The following TREM1 variants were observed in gnomAD, a reference collection of about 807,000 sequenced individuals.
The protein encoded by TREM1 is triggering receptor expressed on myeloid cells 1.
Under a neutral mutation model 22.4 loss-of-function variants are expected in TREM1, and 16 were observed. The observed-to-expected ratio is 0.71, with a 90% confidence interval of 0.48 to 1.08. The LOEUF (loss-of-function observed/expected upper bound fraction) is 1.08, where lower values mean the gene tolerates loss of function less well. Ranked by LOEUF, TREM1 falls within the 50% of genes least tolerant of loss-of-function variation. The pLI is 0.00. For missense variants in TREM1, 283 were observed against 282.9 expected (o/e 1.00, Z 0.00); for synonymous variants, 110 against 111.6 (o/e 0.99, Z 0.09).
intron 3 of TREM1, among the ~76,000 whole-genome samples, chr6:41,278,472 T>G (rs1581628576): frequency 6.6e-6 from 1 of 151,716 alleles, no homozygotes; most frequent in African/African-American, 2.4e-5. Flanking sequence ...GAATTCGAGA[T>G]CAGCCTGGGC....
chr6:41,280,587 ACATTCAGTTAGTCAGGC>A, intron 3 of TREM1: 1 of 1,229,244 alleles, frequency 8.1e-7, no homozygotes. Flanking sequence ...ACCCAAAGTC[ACATTCAGTTAGTCAGGC>A]CAACACTAGA....
intron 3 of TREM1, 101 bp downstream of exon 3, chr6:41,280,860 C>T (rs1767877859): frequency 6.3e-7 from 1 of 1,578,268 alleles, no homozygotes; most frequent in South Asian, 1.1e-5. Flanking sequence ...TCTCCTGCCC[C>T]ACCCTCCCCT....
chr6:41,279,146 A>G (rs1377128866), intron 3 of TREM1, among the ~76,000 whole-genome samples: 1 of 152,232 alleles, frequency 6.6e-6, no homozygotes, highest in Non-Finnish European at 1.5e-5. Flanking sequence ...AGAGACGACC[A>G]TCCCTTTACC....
rs188888855 is a variant in TREM1 at position 41,277,298 on chromosome 6, A to T, written c.600-1068T>A. Among the ~76,000 whole-genome samples, 85 of 151,436 alleles carry T rather than the reference A, an allele frequency of 5.6e-4. 1 individual carries two copies. Among genetic ancestry groups the T allele is most frequent in the Middle Eastern group, 3.4e-3 (1 of 294 alleles). On this transcript the variant is annotated intron_variant, in intron 3 of 3. Transcript: ENST00000244709. ...AGGGCCCTGACTTGTAGCACAGGGG[A>T]CTACATTCCCAAGCCTGACTGGTCG...
At chr6:41,278,489 G>A (rs1268859026) in intron 3 of TREM1, among the ~76,000 whole-genome samples, 4 of 151,706 alleles carry the variant, frequency 2.6e-5, no homozygotes, top group Non-Finnish European at 1.5e-5. Context: ...GGGCAACACA[G>A]GGAGACCCCC....
chr6:41,270,833 A>G (rs977895560), downstream of TREM1, among the ~76,000 whole-genome samples: 1 of 152,000 alleles, frequency 6.6e-6, no homozygotes, highest in Non-Finnish European at 1.5e-5. Context: ...CCCCCACCAC[A>G]TAGCTGGGAC....
chr6:41,276,302 A>G (rs1767669330), intron 3 of TREM1, 72 bp from the exon 4 acceptor site: 2 of 1,105,968 alleles, frequency 1.8e-6, no homozygotes, highest in African/African-American at 3.1e-5. Flanking sequence ...CCTCTAGAAA[A>G]TGCCTTCATG....
At chr6:41,270,489 A>G (rs1767452978), downstream of TREM1, among the ~76,000 whole-genome samples, 1 of 149,210 alleles carries the variant, frequency 6.7e-6, no homozygotes, top group African/African-American at 2.5e-5. Flanking sequence ...ATATCTTAGC[A>G]AGATTCCTAC....
Position 41,274,074 on chromosome 6 carries a change from A to T in TREM1, c.*2051T>A, listed in dbSNP as rs1273945634. On this transcript the variant is annotated 3_prime_UTR_variant, in exon 4 of 4. Coordinates refer to ENST00000244709, the MANE Select transcript of TREM1 (RefSeq NM_018643.5). ...TCCGATTTAGTGCATATAATATTTCAGTCACGTTTAATATGTTGGACTTAA... is the reference window on the plus strand; with the variant it reads ...TCCGATTTAGTGCATATAATATTTCTGTCACGTTTAATATGTTGGACTTAA... Among the ~76,000 whole-genome samples, 1 of 152,224 alleles carries T rather than the reference A, an allele frequency of 6.6e-6. No individual in the cohort carries two copies. Among genetic ancestry groups the T allele is most frequent in the African/African-American group, 2.4e-5 (1 of 41,460 alleles).
intron 3 of TREM1, among the ~76,000 whole-genome samples, chr6:41,278,205 T>G (rs960065891): frequency 1.3e-5 from 2 of 151,942 alleles, no homozygotes; most frequent in Non-Finnish European, 2.9e-5. Flanking sequence ...GGATTATATG[T>G]GTGAGCCACA....
intron 3 of TREM1, among the ~76,000 whole-genome samples, chr6:41,276,679 G>A (rs1302233960): frequency 6.6e-6 from 1 of 152,098 alleles, no homozygotes; most frequent in Admixed American, 6.5e-5. Flanking sequence ...ATGATTCTAA[G>A]GTTTCTGGGT....
In TREM1 at chr6:41,276,083, A is replaced by T. The variant is rs1251048686; in HGVS notation, c.*42T>A. Reference sequence around the variant, plus strand: ...CTCCCTTGGCACAACTGCCAGATGGATGTGGCTGGAAGTCAGAGGACATTC... The same window carrying T: ...CTCCCTTGGCACAACTGCCAGATGGTTGTGGCTGGAAGTCAGAGGACATTC... On this transcript the variant is annotated 3_prime_UTR_variant, in exon 4 of 4. Transcript: ENST00000244709. 4.7e-6 allele frequency: 7 copies of T among 1,485,066 alleles called. No individual in the cohort carries two copies. The highest frequency in any genetic ancestry group is 6.6e-6 in the Non-Finnish European group (7 of 1,062,622). The allele number at this position is 1,485,066 out of a possible 1,614,324, so 92.0% of individuals were successfully genotyped here.
Position 41,275,933 on chromosome 6 carries a change from G to C in TREM1, c.*192C>G. The C allele has an allele frequency of 5.1e-6, 3 of 587,524 alleles. No individual in the cohort carries two copies. Among genetic ancestry groups the C allele is most frequent in the Non-Finnish European group, 6.1e-6 (2 of 328,676 alleles). The allele number at this position is 587,524 out of a possible 1,614,324, so 36.4% of individuals were successfully genotyped here. ...GTAACTTCTTTTCTGAGGCACAAAT[G>C]CCCACCCAAGATTATTAGAGGAACG... On this transcript the variant is annotated 3_prime_UTR_variant, in exon 4 of 4. Transcript: ENST00000244709.
In TREM1 at chr6:41,274,481, C is replaced by A. The variant is rs191823576; in HGVS notation, c.*1644G>T. Among the ~76,000 whole-genome samples, 86 of 152,270 alleles carry A rather than the reference C, an allele frequency of 5.6e-4. No homozygotes were observed. Among genetic ancestry groups the A allele is most frequent in the African/African-American group, 1.9e-3 (78 of 41,548 alleles). On this transcript the variant is annotated 3_prime_UTR_variant, in exon 4 of 4. Coordinates refer to ENST00000244709, the MANE Select transcript of TREM1 (RefSeq NM_018643.5). The stretch of plus-strand genomic sequence containing the variant: ...ATTGCTAAAGTGTGGGGTTCCAGAC[C>A]AGCAAGCTCAGCATTATTATAAACA...
chr6:41,275,803 G>T lies in TREM1; in HGVS notation c.*322C>A, dbSNP rs1043127241. ...GAAGTATCAGGTGTGCCTTCTGCAT[G>T]TCACAGCCCCCACAAGAGAATTACG... On this transcript the variant is annotated 3_prime_UTR_variant, in exon 4 of 4. Coordinates refer to ENST00000244709, the MANE Select transcript of TREM1 (RefSeq NM_018643.5). 5 of 357,594 alleles carry T rather than the reference G, an allele frequency of 1.4e-5. No homozygotes were observed. Among genetic ancestry groups the T allele is most frequent in the Admixed American group, 1.2e-4 (3 of 24,256 alleles). The allele number at this position is 357,594 out of a possible 1,614,324, so 22.2% of individuals were successfully genotyped here.
chr6:41,268,850 A>G (rs1767402998), downstream of TREM1, among the ~76,000 whole-genome samples: 2 of 152,160 alleles, frequency 1.3e-5, no homozygotes, highest in Admixed American at 6.5e-5. Context: ...TGCTTGACCA[A>G]TTGCATCATT....
At chr6:41,268,167 T>G (rs927252309) in intron 3 of TREM1, 12 of 397,890 alleles carry the variant, frequency 3.0e-5, no homozygotes, top group African/African-American at 6.2e-5. Flanking sequence ...CTTGGCATCC[T>G]TTATGGTCCC....
At chr6:41,280,901 A>C in intron 3 of TREM1, 60 bp downstream of exon 3, 1 of 1,612,592 alleles carries the variant, frequency 6.2e-7, no homozygotes, top group Non-Finnish European at 8.5e-7. Context: ...CTCAGCACAC[A>C]GACTGGGAAA....
At chr6:41,281,892 G>C (rs1767934832) in intron 2 of TREM1, 1 of 163,354 alleles carries the variant, frequency 6.1e-6, no homozygotes, top group Non-Finnish European at 1.4e-5. Context: ...ATGAGCTCTG[G>C]AGACTTGCTC....
Sources: gnomAD v4.1 joint callset for allele counts (sites outside exome capture counted in the v4.1 genomes callset) on GRCh38, gnomAD v4.1.1 for gene constraint, MANE v1.5 for transcripts, NCBI Gene and HGNC (gene_info 2026-07-23, HGNC 2026-07-21) for gene names.